COA1: variants seen among roughly 807,000 people sequenced by gnomAD.
The protein encoded by COA1 is cytochrome c oxidase assembly factor 1 homolog.
COA1 carries 13 observed loss-of-function variants against 16.0 expected under a neutral mutation model. The ratio of observed to expected loss-of-function variants is 0.81; its 90% CI spans 0.53 to 1.29. The LOEUF (loss-of-function observed/expected upper bound fraction) is 1.29. COA1 is among the 50% of genes most tolerant of loss of function. The pLI is 0.00. For missense variants in COA1, 179 were observed against 177.0 expected (o/e 1.01, Z -0.06); for synonymous variants, 65 against 65.7 (o/e 0.99, Z 0.05).
intron 1 of COA1, among the ~76,000 whole-genome samples, chr7:43,710,396 T>TATATATATATATA (rs1210512835): frequency 8.2e-5 from 8 of 97,512 alleles, no homozygotes; most frequent in Non-Finnish European, 1.6e-4. Flanking sequence ...ATATATATAT[T>TATATATATATATA]TTTAAGATAT....
Position 43,647,643 on chromosome 7 carries a change from CAA to C in COA1, c.16-11_16-10del, listed in dbSNP as rs748479445. 13 of 1,599,080 alleles carry C rather than the reference CAA, an allele frequency of 8.1e-6. No individual in the cohort carries two copies. In the South Asian group the frequency reaches 9.9e-5, roughly 12 times the overall value. ...CGCCTGCTTCCTGCATACTTAAAAA[CAA>C]AAGATACAAATTTATTGTAGGATTC... is the stretch of plus-strand genomic sequence containing the variant. On this transcript the variant is annotated splice_polypyrimidine_tract_variant and intron_variant, in intron 2 of 5. Transcript: ENST00000223336.
chr7:43,624,990 A>T, intron 6 of COA1: 1 of 707,460 alleles, frequency 1.4e-6, no homozygotes, highest in African/African-American at 1.8e-5. Context: ...TTGTGGAGTT[A>T]GGTGGAAGCC....
At chr7:43,629,074 A>C (rs1258548390) in intron 6 of COA1, among the ~76,000 whole-genome samples, 1 of 152,210 alleles carries the variant, frequency 6.6e-6, no homozygotes, top group Non-Finnish European at 1.5e-5. Context: ...TGAACATTCT[A>C]CTGAACGTTC....
chr7:43,644,106 T>C (rs1312850567), intron 4 of COA1, among the ~76,000 whole-genome samples: 1 of 152,122 alleles, frequency 6.6e-6, no homozygotes, highest in Non-Finnish European at 1.5e-5. Context: ...GACACAGTGA[T>C]GAACTTTCCC....
At chr7:43,715,021 A>G (rs1419314932) in intron 1 of COA1, among the ~76,000 whole-genome samples, 1 of 133,790 alleles carries the variant, frequency 7.5e-6, no homozygotes, top group Non-Finnish European at 1.8e-5. Context: ...AAAAAAAAAA[A>G]AAAAAAAAAA....
intron 1 of COA1, among the ~76,000 whole-genome samples, chr7:43,716,131 ATAAAG>A (rs2095389500): frequency 6.6e-6 from 1 of 152,276 alleles, no homozygotes; most frequent in South Asian, 2.1e-4. Flanking sequence ...AAACGGACTA[ATAAAG>A]TAAATTGGTA....
At chr7:43,608,976 G>T (rs2082656467) in exon 7 of COA1, 1 of 152,294 alleles carries the variant, frequency 6.6e-6, no homozygotes. Flanking sequence ...ATCAAAGGCG[G>T]AGAAGAGGAA....
intron 1 of COA1, among the ~76,000 whole-genome samples, chr7:43,677,102 T>C (rs1398880871): frequency 6.6e-6 from 1 of 152,232 alleles, no homozygotes; most frequent in Non-Finnish European, 1.5e-5. Flanking sequence ...TAAGAATTCT[T>C]TGCTTTCTAT....
At chr7:43,658,463 G>C (rs770398877) in intron 1 of COA1, among the ~76,000 whole-genome samples, 1 of 152,058 alleles carries the variant, frequency 6.6e-6, no homozygotes, top group Non-Finnish European at 1.5e-5. Context: ...ATAAACACCT[G>C]ATAAAACATA....
At chr7:43,661,197 T>C (rs375949424) in intron 1 of COA1, among the ~76,000 whole-genome samples, 4 of 152,354 alleles carry the variant, frequency 2.6e-5, no homozygotes, top group Admixed American at 1.3e-4. Flanking sequence ...CAATAGACAT[T>C]TAACTACTTT....
intron 1 of COA1, among the ~76,000 whole-genome samples, chr7:43,711,217 G>A (rs1211557965): frequency 6.6e-6 from 1 of 152,046 alleles, no homozygotes; most frequent in Non-Finnish European, 1.5e-5. Context: ...ACACCTGGGT[G>A]TAACTAATCA....
chr7:43,718,398 A>G (rs1361193192), intron 1 of COA1, among the ~76,000 whole-genome samples: 2 of 152,234 alleles, frequency 1.3e-5, no homozygotes, highest in Non-Finnish European at 2.9e-5. Flanking sequence ...TCCACTTGAC[A>G]TCAGTGGAGC....
chr7:43,691,416 A>AAGGAAGG lies in COA1; in HGVS notation c.-39+38012_-39+38013insCCTTCCT, dbSNP rs1563385275. On this transcript the variant is annotated intron_variant, in intron 1 of 5. Coordinates refer to ENST00000223336, the MANE Select transcript of COA1 (RefSeq NM_018224.4). ...GGAAGGAAGGAAGGAAGGAAGGAAG[A>AAGGAAGG]AAGAAAAAGAAAGAAAGAAAGAAAG... Among the ~76,000 whole-genome samples the AAGGAAGG allele has an allele frequency of 2.2e-4, 20 of 90,030 alleles. 1 individual carries two copies. The highest frequency in any genetic ancestry group is 1.8e-4 in the Non-Finnish European group (8 of 45,362). The allele number at this position is 90,030 out of a possible 152,430, so 59.1% of individuals were successfully genotyped here.
chr7:43,616,311 C>G (rs140943785), intron 6 of COA1, among the ~76,000 whole-genome samples: 76 of 152,244 alleles, frequency 5.0e-4, no homozygotes, highest in African/African-American at 1.8e-3. Context: ...TAAACTCTGA[C>G]AGTAGGGCGT....
intron 1 of COA1, among the ~76,000 whole-genome samples, chr7:43,708,658 A>C (rs573470649): frequency 3.3e-5 from 5 of 152,170 alleles, no homozygotes; most frequent in African/African-American, 1.2e-4. Context: ...TTTTTGGTGA[A>C]GTGCCTGTTC....
chr7:43,724,585 T>C (rs2095575696), intron 1 of COA1, among the ~76,000 whole-genome samples: 2 of 151,166 alleles, frequency 1.3e-5, no homozygotes, highest in Admixed American at 6.6e-5. Context: ...AAGCAGGAAC[T>C]CAGACATTTG....
At chr7:43,641,477 C>T (rs1036028033) in intron 4 of COA1, 1 of 152,076 alleles carries the variant, frequency 6.6e-6, no homozygotes, top group African/African-American at 2.4e-5. Flanking sequence ...ATCCAGGTAC[C>T]AGCTATAGGT....
At chr7:43,669,760 C>G (rs938537121) in intron 1 of COA1, among the ~76,000 whole-genome samples, 9 of 71,186 alleles carry the variant, frequency 1.3e-4, no homozygotes, top group African/African-American at 5.2e-4. Flanking sequence ...TCCTTAAAAC[C>G]AAAAAAAAAT....
chr7:43,664,920 T>C (rs7781049), intron 1 of COA1, among the ~76,000 whole-genome samples: 1 of 152,180 alleles, frequency 6.6e-6, no homozygotes, highest in African/African-American at 2.4e-5. Flanking sequence ...CTTCAGTCTT[T>C]TACTTTCAAG....
Sources: gnomAD v4.1 joint callset for allele counts (sites outside exome capture counted in the v4.1 genomes callset) on GRCh38, gnomAD v4.1.1 for gene constraint, MANE v1.5 for transcripts, NCBI Gene and HGNC (gene_info 2026-07-23, HGNC 2026-07-21) for gene names.